PAPPA2: variants seen among roughly 807,000 people sequenced by gnomAD.
The protein encoded by PAPPA2 is pappalysin-2.
PAPPA2 carries 86 observed loss-of-function variants against 176.4 expected under a neutral mutation model. That is an observed-to-expected ratio of 0.49 (90% CI 0.41 to 0.58). PAPPA2 has a LOEUF of 0.58. PAPPA2 is among the 20% of genes least tolerant of loss of function. The probability of loss-of-function intolerance (pLI) is 0.00; values close to 1 mark genes in which losing one functional copy is unlikely to be tolerated. For synonymous variants in PAPPA2, 809 were observed against 852.2 expected, an observed-to-expected ratio of 0.95 and a Z score of 0.88; for missense variants, 2,073 against 2,256.9, an observed-to-expected ratio of 0.92 and a Z score of 1.65.
chr1:176,611,266 A>T lies in PAPPA2; in HGVS notation c.1991+15671A>T, dbSNP rs982365025. Among the ~76,000 whole-genome samples, 59 of 152,222 alleles carry T rather than the reference A, an allele frequency of 3.9e-4. 1 individual carries two copies. The highest frequency in any genetic ancestry group is 1.5e-5 in the Non-Finnish European group (1 of 68,044). On this transcript the variant is annotated intron_variant, in intron 3 of 22. Coordinates refer to ENST00000367662, the MANE Select transcript of PAPPA2 (RefSeq NM_020318.3). ...GGGCATAATGTCACAGAGAATTGGC[A>T]TCTGGCATCTATAAGAAGATATCAG...
At chr1:176,688,828 G>A (rs1659966825) in intron 4 of PAPPA2, among the ~76,000 whole-genome samples, 1 of 152,214 alleles carries the variant, frequency 6.6e-6, no homozygotes, top group Admixed American at 6.5e-5. Context: ...CAGATACCCT[G>A]TGATTGTCTC....
intron 1 of PAPPA2, among the ~76,000 whole-genome samples, chr1:176,532,286 A>G (rs1649856869): frequency 1.3e-5 from 2 of 152,132 alleles, no homozygotes; most frequent in Non-Finnish European, 2.9e-5. Context: ...CTTCCCCATA[A>G]GCATTAAATC....
At chr1:176,783,667 T>A (rs1185607297) in intron 17 of PAPPA2, among the ~76,000 whole-genome samples, 1 of 152,186 alleles carries the variant, frequency 6.6e-6, no homozygotes, top group Non-Finnish European at 1.5e-5. Context: ...CCATTTACAG[T>A]GTAAGGAAGA....
At chr1:176,630,755 C>A (rs1656294128) in intron 3 of PAPPA2, among the ~76,000 whole-genome samples, 1 of 152,154 alleles carries the variant, frequency 6.6e-6, no homozygotes, top group South Asian at 2.1e-4. Flanking sequence ...GCATAGATTA[C>A]ATGGTGAACA....
intron 4 of PAPPA2, among the ~76,000 whole-genome samples, chr1:176,685,453 A>G (rs1659792463): frequency 6.6e-6 from 1 of 152,232 alleles, no homozygotes; most frequent in African/African-American, 2.4e-5. Context: ...CCATTGGTGC[A>G]GGTACCCATG....
chr1:176,649,975 G>A (rs1573193185), intron 3 of PAPPA2, among the ~76,000 whole-genome samples: 1 of 151,512 alleles, frequency 6.6e-6, no homozygotes, highest in South Asian at 2.1e-4. Context: ...TGGATAATCT[G>A]TCCATTACTC....
intron 1 of PAPPA2, among the ~76,000 whole-genome samples, chr1:176,496,451 C>T (rs1558402000): frequency 6.6e-6 from 1 of 152,110 alleles, no homozygotes; most frequent in Non-Finnish European, 1.5e-5. Flanking sequence ...TCAGAAGTTA[C>T]CTGGTCTGTG....
At chr1:176,814,710 A>C (rs886701515) in intron 21 of PAPPA2, among the ~76,000 whole-genome samples, 2 of 152,232 alleles carry the variant, frequency 1.3e-5, no homozygotes, top group Non-Finnish European at 1.5e-5. Context: ...TTCTAGATAC[A>C]GGATCATGTT....
chr1:176,837,140 C>T (rs570279209), intron 21 of PAPPA2, among the ~76,000 whole-genome samples: 2 of 152,162 alleles, frequency 1.3e-5, no homozygotes, highest in Non-Finnish European at 2.9e-5. Context: ...TATTCCACCA[C>T]TTGCACACAG....
chr1:176,539,995 C>T (rs1650282847), intron 1 of PAPPA2, among the ~76,000 whole-genome samples: 1 of 152,216 alleles, frequency 6.6e-6, no homozygotes. Flanking sequence ...TTTGTATCCC[C>T]TTTCTGATCT....
At chr1:176,677,597 C>A (rs1481029370) in intron 4 of PAPPA2, among the ~76,000 whole-genome samples, 2 of 152,130 alleles carry the variant, frequency 1.3e-5, no homozygotes, top group Non-Finnish European at 2.9e-5. Context: ...TCTTTAAAAG[C>A]AGAACACTTA....
intron 1 of PAPPA2, among the ~76,000 whole-genome samples, chr1:176,503,873 T>C (rs1294349560): frequency 1.3e-5 from 2 of 152,146 alleles, no homozygotes; most frequent in South Asian, 2.1e-4. Context: ...AGGAAACAAG[T>C]AGTACAAATA....
At position 176,800,142 on chromosome 1, in the gene PAPPA2, CCTCCCCTTCCCCAA is replaced by C; in HGVS notation, c.5202+14_5202+27del. 1 of 1,613,584 alleles carries C rather than the reference CCTCCCCTTCCCCAA, an allele frequency of 6.2e-7. No homozygotes were observed. The highest frequency in any genetic ancestry group is 8.5e-7 in the Non-Finnish European group (1 of 1,179,622). On this transcript the variant is annotated intron_variant, in intron 21 of 22. Transcript: ENST00000367662. The stretch of plus-strand genomic sequence containing the variant: ...CATCCAGTCATGTGAGGTAAGATAG[CCTCCCCTTCCCCAA>C]CTCAGACTAGAGAACTCAGGTGGAT...
intron 1 of PAPPA2, among the ~76,000 whole-genome samples, chr1:176,530,678 G>C (rs1051250288): frequency 6.6e-6 from 1 of 152,016 alleles, no homozygotes. Flanking sequence ...CTAAGAAACA[G>C]CAACATCCAC....
chr1:176,557,305 T>G (rs1573037684), intron 2 of PAPPA2, 64 bp downstream of exon 2: 1 of 1,487,784 alleles, frequency 6.7e-7, no homozygotes, highest in Admixed American at 2.2e-5. Flanking sequence ...TTCTGACGGG[T>G]TAGACATAGG....
intron 3 of PAPPA2, among the ~76,000 whole-genome samples, chr1:176,623,557 CCCTTCCTTCCTTCCTTCCCTCCTT>C (rs1212813113): frequency 0.011 from 1,462 of 137,372 alleles, 21 homozygotes; most frequent in Non-Finnish European, 0.014. Context: ...CTGCATTTTC[CCCTTCCTTCCTTCCTTCCCTCCTT>C]CCTTCCTTCC....
At chr1:176,561,771 T>C (rs1382302536) in intron 2 of PAPPA2, among the ~76,000 whole-genome samples, 11 of 152,142 alleles carry the variant, frequency 7.2e-5, no homozygotes, top group Admixed American at 7.2e-4. Context: ...AGAGCTGTAT[T>C]AGTCTGTTCT....
At chr1:176,637,008 G>C (rs1390037160) in intron 3 of PAPPA2, among the ~76,000 whole-genome samples, 1 of 152,076 alleles carries the variant, frequency 6.6e-6, no homozygotes, top group Non-Finnish European at 1.5e-5. Context: ...GAAGAGGTAG[G>C]AATTAGATTG....
chr1:176,817,265 G>A (rs1356873972), intron 21 of PAPPA2, among the ~76,000 whole-genome samples: 3 of 152,226 alleles, frequency 2.0e-5, no homozygotes, highest in East Asian at 3.9e-4. Context: ...AAAATACTAT[G>A]AGCACAGGGC....
Sources: gnomAD v4.1 joint callset for allele counts (sites outside exome capture counted in the v4.1 genomes callset) on GRCh38, gnomAD v4.1.1 for gene constraint, MANE v1.5 for transcripts, NCBI Gene and HGNC (gene_info 2026-07-23, HGNC 2026-07-21) for gene names.